GRM4: variants seen among roughly 807,000 people sequenced by gnomAD.
GRM4 encodes the protein metabotropic glutamate receptor 4.
GRM4 carries 28 observed loss-of-function variants against 81.7 expected under a neutral mutation model. The ratio of observed to expected loss-of-function variants is 0.34; its 90% CI spans 0.25 to 0.47. GRM4 has a LOEUF of 0.47. GRM4 is among the 20% of genes least tolerant of loss of function. The pLI is 1.00. For synonymous variants in GRM4, 488 were observed against 528.8 expected (o/e 0.92, Z 1.06); for missense variants, 948 against 1,290.0 (o/e 0.73, Z 4.06).
intron 3 of GRM4, among the ~76,000 whole-genome samples, chr6:34,085,216 T>C (rs1767823972): frequency 6.6e-6 from 1 of 152,082 alleles, no homozygotes; most frequent in African/African-American, 2.4e-5. Context: ...ATCTAGGAAG[T>C]CCCAGCCAAC....
At chr6:34,085,827 A>T (rs1008615636) in intron 3 of GRM4, among the ~76,000 whole-genome samples, 1 of 152,214 alleles carries the variant, frequency 6.6e-6, no homozygotes, top group African/African-American at 2.4e-5. Flanking sequence ...AGTAGGACGG[A>T]GGCAGGGGCT....
intron 2 of GRM4, among the ~76,000 whole-genome samples, chr6:34,101,468 C>T (rs1464364803): frequency 6.6e-6 from 1 of 152,188 alleles, no homozygotes; most frequent in African/African-American, 2.4e-5. Flanking sequence ...TGGGCCTACA[C>T]ATGCATATGC....
chr6:34,122,014 G>C (rs73415023), intron 2 of GRM4, among the ~76,000 whole-genome samples: 1 of 152,184 alleles, frequency 6.6e-6, no homozygotes, highest in African/African-American at 2.4e-5. Flanking sequence ...GTACTGAGAT[G>C]CCCGAGGCCG....
Position 34,074,920 on chromosome 6 carries a change from C to A in GRM4, c.737-12892G>T, listed in dbSNP as rs1176189971. Among the ~76,000 whole-genome samples the A allele has an allele frequency of 2.6e-5, 4 of 152,116 alleles. No homozygotes were observed. Among genetic ancestry groups the A allele is most frequent in the African/African-American group, 9.7e-5 (4 of 41,424 alleles). Reference sequence around the variant, plus strand: ...CCCACCCAGGCCCTACTGTCCCCCACCCTCAGTGGCTGTACCCAGCATTCA... The same window carrying A: ...CCCACCCAGGCCCTACTGTCCCCCAACCTCAGTGGCTGTACCCAGCATTCA... On this transcript the variant is annotated intron_variant, in intron 3 of 10. Transcript: ENST00000538487. This position sits in a 1 kb window ranked among gnomAD's most constrained non-coding sequence, Gnocchi z 4.9.
At position 34,103,841 on chromosome 6, in the gene GRM4, G is replaced by A. The variant is rs1229570881; in HGVS notation, c.520-11742C>T. ...AGGCACCACGGTGAAAGACTGGGAT[G>A]TGTCAGGCACTGCGAGGGTCCCGAG... On this transcript the variant is annotated intron_variant, in intron 2 of 10. Transcript: ENST00000538487. 7.7e-6 allele frequency: 11 copies of A among 1,428,130 alleles called. No homozygotes were observed. In the Admixed American group the frequency reaches 1.8e-4, roughly 23 times the overall value. 88.5% of individuals were successfully genotyped at this position (1,428,130 alleles called of 1,614,324 possible). A position where few individuals can be genotyped will look rare whatever the true frequency, so the allele number is the denominator to read the frequency against.
At position 34,047,873 on chromosome 6, in the gene GRM4, C is replaced by T. The variant is rs115459999; in HGVS notation, c.1169-7125G>A. ...AGCTCCAAGAGCTCTGTGGTAGCAT[C>T]GCCTGGGGCTCTTCAACCTTGAGCC... On this transcript the variant is annotated intron_variant, in intron 6 of 10. Transcript: ENST00000538487. The surrounding 1 kb of genome is among the most constrained non-coding windows in gnomAD (Gnocchi z 4.5). Among the ~76,000 whole-genome samples the T allele has an allele frequency of 0.025, 3,769 of 152,250 alleles. 75 individuals are homozygous for T. Among genetic ancestry groups the T allele is most frequent in the Middle Eastern group, 0.048 (14 of 294 alleles).
At chr6:34,125,859 G>A (rs548213423) in intron 2 of GRM4, among the ~76,000 whole-genome samples, 32 of 152,270 alleles carry the variant, frequency 2.1e-4, no homozygotes, top group Non-Finnish European at 2.1e-4. Flanking sequence ...CTCCCCTCAG[G>A]AGAACTGCCC....
chr6:34,097,297 T>A (rs1381352571), intron 2 of GRM4, among the ~76,000 whole-genome samples: 4 of 152,022 alleles, frequency 2.6e-5, no homozygotes, highest in Non-Finnish European at 5.9e-5. Flanking sequence ...GGCCAAGGTG[T>A]TCCAGGCCCA....
rs776448925 is a variant in GRM4 at position 34,059,090 on chromosome 6, C to T, written c.911G>A (p.Gly304Asp). The change falls in exon 5 of 11, where the codon GGC (glycine) becomes GAC (aspartate). Residue 304 changes from glycine to aspartate, a missense_variant. Physicochemically the swap from Gly to Asp is moderately conservative, Grantham distance 94. Coordinates refer to ENST00000538487, the MANE Select transcript of GRM4 (RefSeq NM_000841.4). This position sits in a 1 kb window ranked among gnomAD's most constrained non-coding sequence, Gnocchi z 5.7. ...GTCAGAGCCCATCCAGAAGAAATGGCCTGTCTGGTTGGCCCTTCGTGCTGC... is the reference window on the plus strand; with the variant it reads ...GTCAGAGCCCATCCAGAAGAAATGGTCTGTCTGGTTGGCCCTTCGTGCTGC... ...LEAARRANQT[G>D]HFFWMGSDSW... is the part of the protein sequence containing the mutation. 4 of 1,613,908 alleles carry T rather than the reference C, an allele frequency of 2.5e-6. No homozygotes were observed. The highest frequency in any genetic ancestry group is 2.5e-6 in the Non-Finnish European group (3 of 1,179,944).
intron 2 of GRM4, 39 bp downstream of exon 2, chr6:34,132,939 G>GA: frequency 6.6e-7 from 1 of 1,526,228 alleles, no homozygotes; most frequent in Non-Finnish European, 8.9e-7. Context: ...AGAGTCCGTT[G>GA]GGGGAAGAGC....
intron 6 of GRM4, among the ~76,000 whole-genome samples, chr6:34,044,679 CACACAG>C (rs1765244517): frequency 6.7e-6 from 1 of 149,610 alleles, no homozygotes; most frequent in African/African-American, 2.5e-5. Context: ...CAGACACACA[CACACAG>C]ACATACATAC....
intron 6 of GRM4, among the ~76,000 whole-genome samples, chr6:34,049,185 T>C (rs1386112751): frequency 6.6e-6 from 1 of 152,088 alleles, no homozygotes; most frequent in Non-Finnish European, 1.5e-5. Context: ...GTCTGGCTTT[T>C]GCACCCACCT....
At position 34,022,564 on chromosome 6, in the gene GRM4, C is replaced by T. The variant is rs563296207; in HGVS notation, c.*257G>A. ...GACCTGAGCCCCTGTGGTTTGGGGC[C>T]GGGAGGGGCAATGGTCCAAGACGCA... On this transcript the variant is annotated 3_prime_UTR_variant, in exon 11 of 11. Transcript: ENST00000538487. This position sits in a 1 kb window ranked among gnomAD's most constrained non-coding sequence, Gnocchi z 5.6. The T allele has an allele frequency of 2.4e-5, 13 of 544,928 alleles. No homozygotes were observed. Among genetic ancestry groups the T allele is most frequent in the South Asian group, 6.4e-5 (3 of 46,890 alleles). 33.8% of individuals were successfully genotyped at this position (544,928 alleles called of 1,614,324 possible). A position where few individuals can be genotyped will look rare whatever the true frequency, so the allele number is the denominator to read the frequency against.
Position 34,035,145 on chromosome 6 carries a change from T to C in GRM4, c.2442+523A>G, listed in dbSNP as rs902198. Among the ~76,000 whole-genome samples, 18,142 of 147,670 alleles carry C rather than the reference T, an allele frequency of 0.12. 2,495 individuals are homozygous for C. Among genetic ancestry groups the C allele is most frequent in the African/African-American group, 0.35 (14,054 of 40,338 alleles). On this transcript the variant is annotated intron_variant, in intron 9 of 10. Transcript: ENST00000538487. This position sits in a 1 kb window ranked among gnomAD's most constrained non-coding sequence, Gnocchi z 6.6. ...GAACCAAAAGGAAGACAGGGTTGAG[T>C]AGGGAGAGAGGTAAGAGAAAGGAGT...
rs1223111308 is a variant in GRM4 at position 34,090,652 on chromosome 6, C to A, written c.736+1231G>T. On this transcript the variant is annotated intron_variant, in intron 3 of 10. Coordinates refer to ENST00000538487, the MANE Select transcript of GRM4 (RefSeq NM_000841.4). The surrounding 1 kb of genome is among the most constrained non-coding windows in gnomAD (Gnocchi z 5.2). ...TGCCCCACTTCCCGCCGCCCCGCTG[C>A]CCCCTCCACCAGGTGGAGGCCCCCA... is the stretch of plus-strand genomic sequence containing the variant. Among the ~76,000 whole-genome samples the A allele has an allele frequency of 6.6e-6, 1 of 152,006 alleles. No homozygotes were observed. Among genetic ancestry groups the A allele is most frequent in the Non-Finnish European group, 1.5e-5 (1 of 67,986 alleles).
At chr6:34,125,708 G>A (rs927962764) in intron 2 of GRM4, among the ~76,000 whole-genome samples, 1 of 152,258 alleles carries the variant, frequency 6.6e-6, no homozygotes, top group African/African-American at 2.4e-5. Flanking sequence ...CCCAATGCCA[G>A]GGTTCCCCTC....
rs904987035 is a variant in GRM4, at chr6:34,021,666, C to A, written c.*1155G>T. The A allele has an allele frequency of 1.1e-4, 17 of 152,510 alleles. No homozygotes were observed. Among genetic ancestry groups the A allele is most frequent in the Non-Finnish European group, 1.6e-4 (11 of 68,262 alleles). 9.4% of individuals were successfully genotyped at this position (152,510 alleles called of 1,614,324 possible). On this transcript the variant is annotated 3_prime_UTR_variant, in exon 11 of 11. Coordinates refer to ENST00000538487, the MANE Select transcript of GRM4 (RefSeq NM_000841.4). The surrounding 1 kb of genome is among the most constrained non-coding windows in gnomAD (Gnocchi z 5.3). The stretch of plus-strand genomic sequence containing the variant: ...ATGTCCCTGCCCCTTACCTGGGAAT[C>A]TGGCCCCTCCATGCCCAAGGCCTCA...
chr6:34,110,800 CA>C, intron 2 of GRM4: 1 of 1,405,262 alleles, frequency 7.1e-7, no homozygotes, highest in East Asian at 2.8e-5. Flanking sequence ...GCCCAGGCTG[CA>C]GGCCATCTGT....
chr6:34,151,765 A>G (rs888739676), intron 1 of GRM4, among the ~76,000 whole-genome samples: 1 of 126,864 alleles, frequency 7.9e-6, no homozygotes, highest in African/African-American at 2.9e-5. Context: ...CGAGCTCTCC[A>G]CTGCACTCTT....
Sources: gnomAD v4.1 joint callset for allele counts (sites outside exome capture counted in the v4.1 genomes callset) on GRCh38, gnomAD v4.1.1 for gene constraint, Gnocchi (gnomAD v3.1) non-coding constraint, MANE v1.5 for transcripts, NCBI Gene and HGNC (gene_info 2026-07-23, HGNC 2026-07-21) for gene names.